The following GARIN2 variants were observed in gnomAD, a reference collection of about 807,000 sequenced individuals.
GARIN2 encodes golgi associated RAB2 interactor family member 2, also known as Golgi-associated RAB2 interactor protein 2.
chr14:67,204,529 G>T, the GARIN2 span: 18 of 1,610,222 alleles, frequency 1.1e-5, no homozygotes, highest in Non-Finnish European at 1.5e-5. Context: ...CCGTGTGCTT[G>T]TTTGCAGGTT....
At chr14:67,205,040 C>T in the GARIN2 span, 3 of 1,552,066 alleles carry the variant, frequency 1.9e-6, no homozygotes. Flanking sequence ...TCGGGAGTCA[C>T]AGTGGTGTTT....
the GARIN2 span, chr14:67,203,072 T>G: frequency 6.2e-7 from 1 of 1,605,292 alleles, no homozygotes; most frequent in Non-Finnish European, 8.5e-7. Context: ...ATATAACGCC[T>G]TTTCCTGTTT....
the GARIN2 span, among the ~76,000 whole-genome samples, chr14:67,222,488 A>G: frequency 6.6e-6 from 1 of 152,056 alleles, no homozygotes; most frequent in African/African-American, 2.4e-5. Flanking sequence ...GTTGGCCAGG[A>G]TGGTCTCGAA....
chr14:67,203,168 C>T, the GARIN2 span: 3 of 1,613,998 alleles, frequency 1.9e-6, no homozygotes, highest in East Asian at 4.5e-5. Flanking sequence ...GTTTTTCCAG[C>T]TCCACCCACA....
At chr14:67,216,676 C>T in the GARIN2 span, among the ~76,000 whole-genome samples, 1,043 of 152,142 alleles carry the variant, frequency 6.9e-3, 18 homozygotes, top group African/African-American at 0.024. Flanking sequence ...CATTTAGGAG[C>T]ATGTTGTTTA....
the GARIN2 span, chr14:67,200,139 T>TC: frequency 9.0e-7 from 1 of 1,112,964 alleles, no homozygotes; most frequent in African/African-American, 1.6e-5. Flanking sequence ...CATTCTGATC[T>TC]CCCATGGGTC....
At chr14:67,207,426 A>G in the GARIN2 span, among the ~76,000 whole-genome samples, 2 of 152,188 alleles carry the variant, frequency 1.3e-5, no homozygotes, top group Non-Finnish European at 2.9e-5. Context: ...TATGGTGAGG[A>G]CAGCACCAAG....
chr14:67,203,923 G>T, the GARIN2 span, among the ~76,000 whole-genome samples: 1 of 152,290 alleles, frequency 6.6e-6, no homozygotes, highest in South Asian at 2.1e-4. Context: ...TATTGGTCAG[G>T]CTGGTATTGA....
At chr14:67,208,469 G>A in the GARIN2 span, 2 of 1,599,494 alleles carry the variant, frequency 1.3e-6, no homozygotes, top group Non-Finnish European at 1.7e-6. Flanking sequence ...GCAGGAACAT[G>A]CCAAAGGAAT....
chr14:67,208,303 AC>A, the GARIN2 span: 1 of 1,613,982 alleles, frequency 6.2e-7, no homozygotes, highest in Non-Finnish European at 8.5e-7. Flanking sequence ...CAAACATAAC[AC>A]TGACTTTTGA....
chr14:67,200,095 C>A, the GARIN2 span: 1 of 1,016,272 alleles, frequency 9.8e-7, no homozygotes, highest in Non-Finnish European at 1.5e-6. Context: ...TTATCCTGGA[C>A]CTCCTCCAAT....
the GARIN2 span, among the ~76,000 whole-genome samples, chr14:67,225,972 C>CGCGTGCGCATGCGCGT: frequency 1.9e-5 from 2 of 107,260 alleles, no homozygotes; most frequent in Non-Finnish European, 4.5e-5. Context: ...TGCGCGCGCG[C>CGCGTGCGCATGCGCGT]GCGTGCGCAT....
At chr14:67,205,145 G>A in the GARIN2 span, 60 of 1,455,126 alleles carry the variant, frequency 4.1e-5, no homozygotes, top group Non-Finnish European at 5.2e-5. Context: ...AGGGGTTACC[G>A]AGATCACACT....
the GARIN2 span, chr14:67,224,573 T>G: frequency 4.4e-6 from 1 of 226,850 alleles, no homozygotes; most frequent in Non-Finnish European, 8.9e-6. Flanking sequence ...TTTCTCTACT[T>G]TCTTAGCTTT....
chr14:67,198,527 A>AAGG, the GARIN2 span, among the ~76,000 whole-genome samples: 1 of 152,270 alleles, frequency 6.6e-6, no homozygotes, highest in Non-Finnish European at 1.5e-5. Flanking sequence ...AACTCTTGTG[A>AAGG]AGGACTTCTG....
chr14:67,228,186 G>T, the GARIN2 span, among the ~76,000 whole-genome samples: 3 of 146,152 alleles, frequency 2.1e-5, no homozygotes, highest in Middle Eastern at 3.3e-3. Context: ...AAAAAAAAAA[G>T]AAATTAAGTT....
the GARIN2 span, chr14:67,208,309 T>G: frequency 6.2e-7 from 1 of 1,613,974 alleles, no homozygotes; most frequent in Non-Finnish European, 8.5e-7. Flanking sequence ...TAACACTGAC[T>G]TTTGAAGGTA....
the GARIN2 span, chr14:67,204,826 C>G: frequency 6.2e-7 from 1 of 1,613,948 alleles, no homozygotes; most frequent in Non-Finnish European, 8.5e-7. Flanking sequence ...CATCCTGACC[C>G]CGTACATGTA....
chr14:67,208,492 A>T, the GARIN2 span: 5 of 1,579,398 alleles, frequency 3.2e-6, no homozygotes, highest in Non-Finnish European at 4.3e-6. Flanking sequence ...TAAGACATGA[A>T]ATATTAATAA....
Sources: gnomAD v4.1 joint callset for allele counts (sites outside exome capture counted in the v4.1 genomes callset) on GRCh38, gnomAD v4.1.1 for gene constraint, MANE v1.5 for transcripts, NCBI Gene and HGNC (gene_info 2026-07-23, HGNC 2026-07-21) for gene names.